SWT1: variants seen among roughly 807,000 people sequenced by gnomAD.
SWT1 encodes transcriptional protein SWT1.
SWT1 carries 33 observed loss-of-function variants against 107.3 expected under a neutral mutation model. That is an observed-to-expected ratio of 0.31 (90% CI 0.23 to 0.41). The LOEUF (loss-of-function observed/expected upper bound fraction) is 0.41. SWT1 is among the 10% of genes least tolerant of loss of function. The pLI is 1.00. For synonymous variants in SWT1, 345 were observed against 348.3 expected (o/e 0.99, Z 0.11); for missense variants, 898 against 1,028.9 (o/e 0.87, Z 1.74).
At position 185,276,587 on chromosome 1, in the gene SWT1, A is replaced by G. The variant is rs777574067; in HGVS notation, c.2509-17A>G. On this transcript the variant is annotated splice_polypyrimidine_tract_variant and intron_variant, in intron 17 of 18. Coordinates refer to ENST00000367500, the MANE Select transcript of SWT1 (RefSeq NM_017673.7). ...TTTAATATATATTTTTAATAACTAT[A>G]TCTTGGTTCCTTTCAGGTAAATAAA... is the stretch of plus-strand genomic sequence containing the variant. 10 of 1,475,232 alleles carry G rather than the reference A, an allele frequency of 6.8e-6. No homozygotes were observed. Among genetic ancestry groups the G allele is most frequent in the South Asian group, 4.7e-5 (4 of 85,004 alleles). 91.4% of individuals were successfully genotyped at this position (1,475,232 alleles called of 1,614,324 possible).
chr1:185,267,615 A>G (rs1571667282), intron 16 of SWT1, among the ~76,000 whole-genome samples: 1 of 152,242 alleles, frequency 6.6e-6, no homozygotes, highest in African/African-American at 2.4e-5. Flanking sequence ...ATTTTTTTAA[A>G]TATTTCATAG....
In SWT1 at chr1:185,271,353, T is replaced by A; in HGVS notation, c.2472T>A (p.Asp824Glu). Reference sequence around the variant, plus strand: ...TGGCCCCAAACAGTAATTATCAAGATGTTGAGACCCTCTATAACTTCCTAA... The same window carrying A: ...TGGCCCCAAACAGTAATTATCAAGAAGTTGAGACCCTCTATAACTTCCTAA... ...RILAPNSNYQ[D>E]VETLYNFLIK... Residue 824 changes from aspartate (D) to glutamate (E), a missense_variant, in exon 17 of 19, where the codon GAT becomes GAA. Asp to Glu is a conservative substitution (Grantham distance 45). Around this residue, in one of 6 missense-constraint regions of SWT1, gnomAD observed 382 missense variants for 460.0 expected, o/e 0.83. Coordinates refer to ENST00000367500, the MANE Select transcript of SWT1 (RefSeq NM_017673.7). 7 of 1,515,204 alleles carry A rather than the reference T, an allele frequency of 4.6e-6. No individual in the cohort carries two copies. Among genetic ancestry groups the A allele is most frequent in the Non-Finnish European group, 6.4e-6 (7 of 1,091,308 alleles). 93.9% of individuals were successfully genotyped at this position (1,515,204 alleles called of 1,614,324 possible). A position where few individuals can be genotyped will look rare whatever the true frequency, so the allele number is the denominator to read the frequency against.
chr1:185,277,204 A>C (rs946779128), intron 18 of SWT1, among the ~76,000 whole-genome samples: 1 of 152,140 alleles, frequency 6.6e-6, no homozygotes, highest in Admixed American at 6.5e-5. Context: ...AGTACTGTTC[A>C]CTTTTGTGAG....
At chr1:185,205,648 C>T (rs539699925) in intron 12 of SWT1, among the ~76,000 whole-genome samples, 1 of 152,238 alleles carries the variant, frequency 6.6e-6, no homozygotes, top group East Asian at 1.9e-4. Context: ...GGATTACAGG[C>T]GTGAGCATTT....
intron 16 of SWT1, among the ~76,000 whole-genome samples, chr1:185,253,743 C>A (rs1662245912): frequency 7.2e-6 from 1 of 139,404 alleles, no homozygotes; most frequent in Admixed American, 7.6e-5. Flanking sequence ...AATTTGACTT[C>A]TCTTTTCCTA....
rs1290109815 is a variant in SWT1 at position 185,174,765 on chromosome 1, G to C, written c.618G>C (p.Trp206Cys). 2 of 1,610,668 alleles carry C rather than the reference G, an allele frequency of 1.2e-6. No homozygotes were observed. Among genetic ancestry groups the C allele is most frequent in the Non-Finnish European group, 1.7e-6 (2 of 1,179,268 alleles). Residue 206 changes from tryptophan (W) to cysteine (C), a missense_variant, in exon 5 of 19, where the codon TGG (tryptophan) becomes TGC (cysteine). This residue lies in a region of SWT1 where 382 missense variants were observed against 362.4 expected (regional missense o/e 1.05). Transcript: ENST00000367500. The part of the protein sequence containing the change: ...DNSEKCVLEK[W>C]KRNQFSQDYN... ...CTGAAAAATGTGTCTTAGAGAAATG[G>C]AAGAGAAATCAATTTTCTCAGGATT...
chr1:185,215,194 T>G (rs753745311), intron 14 of SWT1, among the ~76,000 whole-genome samples: 1 of 152,194 alleles, frequency 6.6e-6, no homozygotes, highest in Non-Finnish European at 1.5e-5. Context: ...TTTGTCACAT[T>G]TGCTTTATTG....
intron 4 of SWT1, among the ~76,000 whole-genome samples, chr1:185,169,734 A>G (rs1654888240): frequency 6.6e-6 from 1 of 151,914 alleles, no homozygotes; most frequent in East Asian, 1.9e-4. Context: ...CTCTACACAC[A>G]CAATTTTTTT....
intron 5 of SWT1, among the ~76,000 whole-genome samples, chr1:185,178,048 T>C (rs1336520745): frequency 6.6e-6 from 1 of 152,100 alleles, no homozygotes; most frequent in Non-Finnish European, 1.5e-5. Flanking sequence ...TGTACTATAG[T>C]GAAGTAAATA....
In SWT1 at chr1:185,166,585, G is replaced by C; in HGVS notation, c.98G>C (p.Arg33Thr). ...PNFGEKDKKE[R>T]KTPASSTSSS... ...TTGCATTCTTAGGACAAGAAAGAGAGAAAAACCCCAGCAAGTTCTACTAGT... is the reference window on the plus strand; with the variant it reads ...TTGCATTCTTAGGACAAGAAAGAGACAAAAACCCCAGCAAGTTCTACTAGT... The change falls in exon 3 of 19, where the codon AGA becomes ACA. Residue 33 changes from arginine to threonine, a missense_variant. By Grantham distance (71) the Arg-to-Thr change is moderately conservative (BLOSUM62 -1). Coordinates refer to ENST00000367500, the MANE Select transcript of SWT1 (RefSeq NM_017673.7). The C allele has an allele frequency of 6.2e-7, 1 of 1,601,350 alleles. No individual in the cohort carries two copies. Among genetic ancestry groups the C allele is most frequent in the Non-Finnish European group, 8.5e-7 (1 of 1,172,084 alleles).
chr1:185,214,653 G>A lies in SWT1; in HGVS notation c.2119G>A (p.Glu707Lys). ...QVNNLLQTFA[E>K]VKTKLKPNSS... is the part of the protein sequence containing the mutation. The stretch of plus-strand genomic sequence containing the variant: ...AAACAACCTCCTTCAGACATTTGCA[G>A]AGGTAAGATGCCTTTGGAATGCCAG... Residue 707 changes from glutamate (E) to lysine (K), a missense_variant and splice_region_variant, in exon 14 of 19, where the codon GAG (glutamate) becomes AAG (lysine). By Grantham distance (56) the Glu-to-Lys change is moderately conservative. Around this residue, in one of 6 missense-constraint regions of SWT1, gnomAD observed 382 missense variants for 460.0 expected, o/e 0.83. Transcript: ENST00000367500. 6.2e-7 allele frequency: 1 copy of A among 1,602,852 alleles called. No homozygotes were observed. The highest frequency in any genetic ancestry group is 1.1e-5 in the South Asian group (1 of 88,542).
intron 16 of SWT1, chr1:185,266,741 C>A (rs1663428170): frequency 6.7e-6 from 1 of 148,580 alleles, no homozygotes; most frequent in African/African-American, 2.5e-5. Flanking sequence ...TTGTTTAATT[C>A]AGATTAATAT....
intron 15 of SWT1, chr1:185,227,060 T>C: frequency 2.0e-6 from 2 of 981,622 alleles, no homozygotes; most frequent in Non-Finnish European, 3.2e-6. Flanking sequence ...CTTTATCTTC[T>C]TCCATTAAAT....
chr1:185,256,782 G>C (rs997230725), intron 16 of SWT1, among the ~76,000 whole-genome samples: 1 of 152,114 alleles, frequency 6.6e-6, no homozygotes, highest in Non-Finnish European at 1.5e-5. Context: ...TTCTCAGCTC[G>C]TCAAAGTCAT....
At chr1:185,200,750 GTCTGTC>G (rs1657801783) in intron 10 of SWT1, among the ~76,000 whole-genome samples, 1 of 152,232 alleles carries the variant, frequency 6.6e-6, no homozygotes, top group African/African-American at 2.4e-5. Context: ...TGAGGAGGCA[GTCTGTC>G]TCTTAGCAGA....
chr1:185,181,960 A>G lies in SWT1; in HGVS notation c.1041A>G (p.Glu347=). ...QDADQEMQIV[E]ELHAARVGKS... is the part of the protein sequence containing the mutation. ...TTACACTTTAGATGCAGATAGTAGAAGAGCTTCATGCTGCACGTGTGGGAA... is the reference window on the plus strand; with the variant it reads ...TTACACTTTAGATGCAGATAGTAGAGGAGCTTCATGCTGCACGTGTGGGAA... The change falls in exon 7 of 19, where the codon GAA becomes GAG. Residue 347 remains glutamate (E), a synonymous_variant. Transcript: ENST00000367500. 1.9e-6 allele frequency: 3 copies of G among 1,613,436 alleles called. No homozygotes were observed. The highest frequency in any genetic ancestry group is 4.5e-5 in the East Asian group (2 of 44,806).
intron 15 of SWT1, among the ~76,000 whole-genome samples, chr1:185,229,613 G>C (rs1343140683): frequency 6.6e-6 from 1 of 151,406 alleles, no homozygotes; most frequent in Non-Finnish European, 1.5e-5. Context: ...GTCTCCTCCT[G>C]CCTCCCTAGC....
intron 16 of SWT1, among the ~76,000 whole-genome samples, chr1:185,258,804 A>T (rs1204507343): frequency 1.3e-5 from 2 of 151,848 alleles, no homozygotes; most frequent in Non-Finnish European, 2.9e-5. Context: ...TGTTTTGCTT[A>T]TCTCTCTTGA....
intron 6 of SWT1, among the ~76,000 whole-genome samples, chr1:185,181,051 C>T (rs1256060022): frequency 3.3e-5 from 5 of 152,036 alleles, no homozygotes; most frequent in Admixed American, 2.0e-4. Context: ...GTGGAGTACC[C>T]GAGGTCAGGA....
Sources: allele counts gnomAD v4.1 joint callset (sites outside exome capture counted in the v4.1 genomes callset), GRCh38; gene constraint gnomAD v4.1.1; regional missense constraint gnomAD v4.1.1; transcripts MANE v1.5; gene names NCBI Gene and HGNC (gene_info 2026-07-23, HGNC 2026-07-21).